The following NOTCH3 variants were observed in gnomAD, a reference collection of about 807,000 sequenced individuals.
NOTCH3 encodes the protein notch receptor 3, also known as neurogenic locus notch homolog protein 3.
A neutral mutation model predicts 213.3 loss-of-function variants in NOTCH3; 86 were observed. The ratio of observed to expected loss-of-function variants is 0.40; its 90% confidence interval spans 0.34 to 0.48. The LOEUF (loss-of-function observed/expected upper bound fraction) is 0.48, where lower values mean the gene tolerates loss of function less well. Among genes scored for constraint, NOTCH3 ranks in the 20% least tolerant of loss-of-function variants. NOTCH3 has a pLI of 0.57. For missense variants in NOTCH3, 2,783 were observed against 3,272.6 expected, an observed-to-expected ratio of 0.85 and a Z score of 3.65; for synonymous variants, 1,354 against 1,355.9, an observed-to-expected ratio of 1.00 and a Z score of 0.03.
rs1459394189 is a variant in NOTCH3 at position 15,177,998 on chromosome 19, C to G, written c.3930G>C (p.Gly1310=). The G allele has an allele frequency of 7.5e-6, 11 of 1,460,784 alleles. No individual in the cohort carries two copies. The highest frequency in any genetic ancestry group is 1.5e-5 in the African/African-American group (1 of 67,950). The allele number at this position is 1,460,784 out of a possible 1,614,324, so 90.5% of individuals were successfully genotyped here. The stretch of plus-strand genomic sequence containing the variant: ...ACCCTGGGGGGCAGGCGCAGCGCGG[C>G]CCGCGGGGCGTCTGCTGGCATGGGA... ...VGVPCQQTPR[G]PRCACPPGLS... Residue 1310 remains glycine (G), a synonymous_variant, in exon 24 of 33, where the codon GGG becomes GGC. Transcript: ENST00000263388.
At position 15,180,970 on chromosome 19, in the gene NOTCH3, CG is replaced by C. The variant is rs1354963481; in HGVS notation, c.2984del (p.Pro995ArgfsTer277). On this transcript the variant is annotated frameshift_variant, in exon 18 of 33. Transcript: ENST00000263388. LOFTEE classifies it high-confidence loss of function. ...RCTCLESFTG[P>X]QCQTLVDWCS... ...CAGTAACTCCACCCACCTGGCACTG[CG>C]GGCCCGTGAAGCTCTCGAGGCAGGT... The C allele has an allele frequency of 2.5e-6, 4 of 1,591,188 alleles. No individual in the cohort carries two copies. The highest frequency in any genetic ancestry group is 1.3e-5 in the African/African-American group (1 of 74,410).
chr19:15,169,581 G>A (rs1235159834), intron 28 of NOTCH3, among the ~76,000 whole-genome samples: 1 of 152,158 alleles, frequency 6.6e-6, no homozygotes, highest in Non-Finnish European at 1.5e-5. Flanking sequence ...ATGTTGGTCA[G>A]GCTGGTCTCG....
At chr19:15,164,541 CA>C (rs1191699062) in intron 31 of NOTCH3, among the ~76,000 whole-genome samples, 2 of 21,436 alleles carry the variant, frequency 9.3e-5, no homozygotes, top group Non-Finnish European at 1.1e-4. Flanking sequence ...GACTCTGTCT[CA>C]AAAAAAAAAA....
At chr19:15,178,183 T>A in intron 23 of NOTCH3, 93 bp from the exon 24 acceptor site, 1 of 737,934 alleles carries the variant, frequency 1.4e-6, no homozygotes, top group Non-Finnish European at 2.1e-6. Flanking sequence ...AAAAGAAGAG[T>A]CAAGGGGAGA....
Position 15,177,960 on chromosome 19 carries a change from G to A in NOTCH3, c.3968C>T (p.Ser1323Phe), listed in dbSNP as rs1220509085. 4 of 1,337,304 alleles carry A rather than the reference G, an allele frequency of 3.0e-6. No homozygotes were observed. Among genetic ancestry groups the A allele is most frequent in the African/African-American group, 3.1e-5 (2 of 65,352 alleles). The allele number at this position is 1,337,304 out of a possible 1,614,324, so 82.8% of individuals were successfully genotyped here. A position where few individuals can be genotyped will look rare whatever the true frequency, so the allele number is the denominator to read the frequency against. ...CACPPGLSGPSCRSFPGSPPG... is the reference protein window; with the variant it reads ...CACPPGLSGPFCRSFPGSPPG... ...CGGCGACCCCGGGAAGCTGCGGCAG[G>A]AGGGTCCCGACAACCCTGGGGGGCA... Residue 1323 changes from serine to phenylalanine, a missense_variant, in exon 24 of 33, where the codon TCC (serine) becomes TTC (phenylalanine). This residue lies in a region of NOTCH3 where 133 missense variants were observed against 201.9 expected (regional missense o/e 0.66). Transcript: ENST00000263388.
In NOTCH3 at chr19:15,177,601, C is replaced by G. The variant is rs1242004923; in HGVS notation, c.4327G>C (p.Asp1443His). ...CWRLFNNSRC[D>H]PACSSPACLY... Reference sequence around the variant, plus strand: ...CAGGCGGGCGAGCTGCAGGCGGGGTCGCAGCGGCTGTTGTTGAAGAGGCGC... The same window carrying G: ...CAGGCGGGCGAGCTGCAGGCGGGGTGGCAGCGGCTGTTGTTGAAGAGGCGC... Residue 1443 changes from aspartate to histidine, a missense_variant, in exon 24 of 33, where the codon GAC (aspartate) becomes CAC (histidine). Coordinates refer to ENST00000263388, the MANE Select transcript of NOTCH3 (RefSeq NM_000435.3). 1.9e-6 allele frequency: 3 copies of G among 1,598,074 alleles called. No individual in the cohort carries two copies. Among genetic ancestry groups the G allele is most frequent in the Non-Finnish European group, 2.6e-6 (3 of 1,173,962 alleles).
At chr19:15,197,450 C>A (rs767364495) in intron 2 of NOTCH3, 50 bp downstream of exon 2, 1 of 890,774 alleles carries the variant, frequency 1.1e-6, no homozygotes, top group South Asian at 1.4e-5. Context: ...CGCCCCTCCC[C>A]CCCGCCCCCA....
chr19:15,184,037 C>CA (rs34518539), intron 16 of NOTCH3, among the ~76,000 whole-genome samples: 1,851 of 27,580 alleles, frequency 0.067, 275 homozygotes, highest in Non-Finnish European at 0.093. Flanking sequence ...GACTCTGTCT[C>CA]AAAAAAAAAA....
chr19:15,184,230 A>T, intron 16 of NOTCH3, 65 bp downstream of exon 16: 5 of 1,476,466 alleles, frequency 3.4e-6, no homozygotes, highest in Non-Finnish European at 3.8e-6. Context: ...AGTGCCAGGC[A>T]CACAGTTCAA....
intron 8 of NOTCH3, 106 bp from the exon 9 acceptor site, chr19:15,188,454 C>G (rs557072574): frequency 1.8e-5 from 14 of 766,012 alleles, no homozygotes; most frequent in South Asian, 1.5e-5. Flanking sequence ...ATCCCCCGAG[C>G]CTTCGTCCCC....
At chr19:15,180,037 C>T (rs755174430) in intron 20 of NOTCH3, 35 bp downstream of exon 20, 1 of 1,476,992 alleles carries the variant, frequency 6.8e-7, no homozygotes. Context: ...AGCATGCCCA[C>T]CTCCTCTTCC....
At chr19:15,197,600 T>A in intron 1 of NOTCH3, 22 bp from the exon 2 acceptor site, 1 of 1,608,612 alleles carries the variant, frequency 6.2e-7, no homozygotes, top group Non-Finnish European at 8.5e-7. Context: ...TGAAGGAAGG[T>A]GGAGGATCAG....
In NOTCH3 at chr19:15,179,440, G is replaced by A; in HGVS notation, c.3384C>T (p.Ser1128=). 1 of 1,614,096 alleles carries A rather than the reference G, an allele frequency of 6.2e-7. No individual in the cohort carries two copies. Among genetic ancestry groups the A allele is most frequent in the Non-Finnish European group, 8.5e-7 (1 of 1,180,036 alleles). The stretch of plus-strand genomic sequence containing the variant: ...ATGAACCCCCGTGCTGGCAGGGCTG[G>A]GAGGCACACTCGTCCACGTCGTCCT... ...NCEDDVDECA[S]QPCQHGGSCI... Residue 1128 remains serine (S), a synonymous_variant, in exon 21 of 33, where the codon TCC becomes TCT. Coordinates refer to ENST00000263388, the MANE Select transcript of NOTCH3 (RefSeq NM_000435.3).
In NOTCH3 at chr19:15,200,909, G is replaced by T. The variant is rs2047008077; in HGVS notation, c.-4C>A. 2 of 397,166 alleles carry T rather than the reference G, an allele frequency of 5.0e-6. No individual in the cohort carries two copies. Among genetic ancestry groups the T allele is most frequent in the Non-Finnish European group, 7.6e-6 (2 of 263,264 alleles). 24.6% of individuals were successfully genotyped at this position (397,166 alleles called of 1,614,324 possible). On this transcript the variant is annotated 5_prime_UTR_variant, in exon 1 of 33. Coordinates refer to ENST00000263388, the MANE Select transcript of NOTCH3 (RefSeq NM_000435.3). The stretch of plus-strand genomic sequence containing the variant: ...GGCCACGGGCCCCCGGCCCCATGGC[G>T]GCCGGCCGCGACCCTCCCCTCCTCC...
rs535921716 is a variant in NOTCH3 at position 15,197,127 on chromosome 19, G to T, written c.197+373C>A. 4.6e-5 allele frequency among the ~76,000 whole-genome samples: 7 copies of T among 152,290 alleles called. No individual in the cohort carries two copies. In the East Asian group the frequency reaches 1.3e-3, roughly 29 times the overall value. On this transcript the variant is annotated intron_variant, in intron 2 of 32. Coordinates refer to ENST00000263388, the MANE Select transcript of NOTCH3 (RefSeq NM_000435.3). The stretch of plus-strand genomic sequence containing the variant: ...AGGGGTGTGGAGGGTGTGAGCCACT[G>T]CGATTGGTCCCTGATAGTTTGTTGA...
chr19:15,186,744 G>A, intron 12 of NOTCH3, 134 bp downstream of exon 12: 2 of 775,418 alleles, frequency 2.6e-6, no homozygotes, highest in South Asian at 1.4e-5. Context: ...CAATGAGACA[G>A]CACAGACTCA....
chr19:15,170,865 T>C, intron 25 of NOTCH3, 40 bp from the exon 26 acceptor site: 1 of 1,606,978 alleles, frequency 6.2e-7, no homozygotes, highest in Non-Finnish European at 8.5e-7. Context: ...GCTCAAAAAT[T>C]GCCCGATGCA....
intron 1 of NOTCH3, among the ~76,000 whole-genome samples, chr19:15,200,008 C>A (rs977072307): frequency 7.4e-5 from 11 of 148,546 alleles, no homozygotes; most frequent in African/African-American, 2.7e-4. Context: ...CTAGACGGCG[C>A]GGCCATTGTC....
chr19:15,178,744 C>T, intron 23 of NOTCH3, 79 bp downstream of exon 23: 9 of 1,022,276 alleles, frequency 8.8e-6, no homozygotes, highest in Non-Finnish European at 1.1e-5. Flanking sequence ...AAGCCACATC[C>T]TCCTCCTAGA....
Sources: allele counts gnomAD v4.1 joint callset (sites outside exome capture counted in the v4.1 genomes callset), GRCh38; gene constraint gnomAD v4.1.1; regional missense constraint gnomAD v4.1.1; transcripts MANE v1.5; gene names NCBI Gene and HGNC (gene_info 2026-07-23, HGNC 2026-07-21).